Variants in ERCC8 observed in about 807,000 individuals in gnomAD.
ERCC8 encodes the protein DNA excision repair protein ERCC-8.
Under a neutral mutation model 54.9 loss-of-function variants are expected in ERCC8, and 52 were observed. That is an observed-to-expected ratio of 0.95 (90% CI 0.76 to 1.19). ERCC8 has a LOEUF of 1.19. ERCC8 is among the 50% of genes most tolerant of loss of function. The pLI is 0.00. For synonymous variants in ERCC8, 146 were observed against 157.2 expected, an observed-to-expected ratio of 0.93 and a Z score of 0.53; for missense variants, 514 against 466.1, an observed-to-expected ratio of 1.10 and a Z score of -0.95.
chr5:60,943,841 A>G (rs1018194842), intron 1 of ERCC8, among the ~76,000 whole-genome samples: 1 of 152,202 alleles, frequency 6.6e-6, no homozygotes, highest in Non-Finnish European at 1.5e-5. Flanking sequence ...ATTGTGATGA[A>G]AGGCTGATGA....
intron 8 of ERCC8, among the ~76,000 whole-genome samples, chr5:60,898,982 ATATAT>A (rs1172716189): frequency 1.5e-4 from 21 of 143,708 alleles, no homozygotes; most frequent in Admixed American, 1.4e-3. Flanking sequence ...AATATATGAA[ATATAT>A]TAGAATGAAC....
intron 1 of ERCC8, among the ~76,000 whole-genome samples, chr5:60,930,950 T>C (rs1172665352): frequency 1.3e-5 from 2 of 151,660 alleles, no homozygotes; most frequent in Non-Finnish European, 2.9e-5. Flanking sequence ...CTACTAAAAA[T>C]ACAAAAAAAT....
intron 11 of ERCC8, among the ~76,000 whole-genome samples, chr5:60,880,512 T>C (rs1748178310): frequency 1.3e-5 from 2 of 152,172 alleles, no homozygotes; most frequent in Admixed American, 6.5e-5. Flanking sequence ...CAATCAGATG[T>C]AGATTTGGTC....
chr5:60,891,114 C>G, intron 9 of ERCC8, 28 bp from the exon 10 acceptor site: 1 of 1,436,766 alleles, frequency 7.0e-7, no homozygotes, highest in Non-Finnish European at 9.7e-7. Context: ...TAAGGTTACT[C>G]ATCTCTGAAA....
rs1179711867 is a variant in ERCC8 at position 60,899,888 on chromosome 5, A to T, written c.618-161T>A. Among the ~76,000 whole-genome samples the T allele has an allele frequency of 5.9e-5, 9 of 152,032 alleles. No homozygotes were observed. In the East Asian group the frequency reaches 1.7e-3, roughly 29 times the overall value. ...ACTTTTGCCTTTTCAGCAAATATTC[A>T]ATAGTCAACAGTAGCTCAAATAAGT... On this transcript the variant is annotated intron_variant, in intron 7 of 11. Transcript: ENST00000676185.
intron 7 of ERCC8, chr5:60,900,590 CT>C (rs1316979742): frequency 6.6e-6 from 1 of 151,986 alleles, no homozygotes; most frequent in African/African-American, 2.4e-5. Context: ...AACCTCGATT[CT>C]TTTCACAGAT....
chr5:60,933,216 C>CTTTTTTTTTTTTTTT (rs143139297), intron 1 of ERCC8, among the ~76,000 whole-genome samples: 1 of 89,484 alleles, frequency 1.1e-5, no homozygotes, highest in Non-Finnish European at 2.0e-5. Flanking sequence ...CCTTTTTTTT[C>CTTTTTTTTTTTTTTT]TTTTTTTTTT....
At chr5:60,877,396 T>C (rs1748047184) in intron 11 of ERCC8, among the ~76,000 whole-genome samples, 1 of 151,958 alleles carries the variant, frequency 6.6e-6, no homozygotes, top group African/African-American at 2.4e-5. Context: ...CTTTAGTTTT[T>C]TCCAATTCTG....
Position 60,908,583 on chromosome 5 carries a change from A to ATAT in ERCC8, c.400-3711_400-3710insATA, listed in dbSNP as rs527918086. Among the ~76,000 whole-genome samples, 333 of 141,868 alleles carry ATAT rather than the reference A, an allele frequency of 2.3e-3. 6 individuals are homozygous for ATAT. The South Asian group carries it at 0.03, about 13-fold the overall frequency. The allele number at this position is 141,868 out of a possible 152,430, so 93.1% of individuals were successfully genotyped here. ...TAAATACATATATATATATATATATATTTTTTTTTTAAATAATGGCTTTGT... is the reference window on the plus strand; with the variant it reads ...TAAATACATATATATATATATATATATATTTTTTTTTTTAAATAATGGCTTTGT... On this transcript the variant is annotated intron_variant, in intron 4 of 11. Coordinates refer to ENST00000676185, the MANE Select transcript of ERCC8 (RefSeq NM_000082.4).
intron 11 of ERCC8, among the ~76,000 whole-genome samples, chr5:60,876,062 T>C (rs1747995888): frequency 6.6e-6 from 1 of 151,754 alleles, no homozygotes; most frequent in South Asian, 2.1e-4. Flanking sequence ...CGGTGTGTGA[T>C]GTTCCCCTTC....
chr5:60,867,970 C>A lies in ERCC8; in HGVS notation c.*6645G>T, dbSNP rs1404220508. Among the ~76,000 whole-genome samples the A allele has an allele frequency of 1.3e-5, 2 of 152,210 alleles. No homozygotes were observed. Among genetic ancestry groups the A allele is most frequent in the Non-Finnish European group, 2.9e-5 (2 of 68,032 alleles). The stretch of plus-strand genomic sequence containing the variant: ...TCAAGGCGGGCAGATCACCTGAGGT[C>A]AGGAGTTCGAGACCAGCCAGACCAA... On this transcript the variant is annotated 3_prime_UTR_variant, in exon 12 of 12. Coordinates refer to ENST00000676185, the MANE Select transcript of ERCC8 (RefSeq NM_000082.4).
rs1219962205 is a variant in ERCC8, at chr5:60,871,984, T to C, written c.*2631A>G. Among the ~76,000 whole-genome samples the C allele has an allele frequency of 6.6e-6, 1 of 152,088 alleles. No homozygotes were observed. Among genetic ancestry groups the C allele is most frequent in the African/African-American group, 2.4e-5 (1 of 41,424 alleles). ...TTGGTTAATTTTTGTATTTTTTATT[T>C]AGAGACGAGGTTTTGCCATGTTGCC... On this transcript the variant is annotated 3_prime_UTR_variant, in exon 12 of 12. Transcript: ENST00000676185.
At chr5:60,940,635 G>C (rs4647046) in intron 1 of ERCC8, among the ~76,000 whole-genome samples, 1 of 152,106 alleles carries the variant, frequency 6.6e-6, no homozygotes, top group Non-Finnish European at 1.5e-5. Context: ...ACCCTGAGTC[G>C]TATACAAAGG....
At chr5:60,892,117 A>C in intron 9 of ERCC8, 1 of 517,252 alleles carries the variant, frequency 1.9e-6, no homozygotes, top group Admixed American at 2.1e-5. Flanking sequence ...GCAGCAGTCC[A>C]CTGGGCACAC....
At chr5:60,877,455 T>C (rs1748048783) in intron 11 of ERCC8, among the ~76,000 whole-genome samples, 1 of 152,166 alleles carries the variant, frequency 6.6e-6, no homozygotes, top group South Asian at 2.1e-4. Context: ...AATCTATAAA[T>C]TACCTTGGGC....
rs1396505808 is a variant in ERCC8 at position 60,922,163 on chromosome 5, T to TA, written c.174-9dup. On this transcript the variant is annotated splice_polypyrimidine_tract_variant and intron_variant, in intron 2 of 11. Transcript: ENST00000676185. The stretch of plus-strand genomic sequence containing the variant: ...GAACCACCTGATAACATGCTGATAA[T>TA]AAAAAAGTTCACATTAATTTATCAT... 2.6e-6 allele frequency: 4 copies of TA among 1,559,136 alleles called. No individual in the cohort carries two copies. The highest frequency in any genetic ancestry group is 2.6e-6 in the Non-Finnish European group (3 of 1,132,364).
chr5:60,873,421 T>C lies in ERCC8; in HGVS notation c.*1194A>G, dbSNP rs1435566480. ...TGGGTGCAGTGGCTCAAGCTTATAA[T>C]TCCAGCACTTTGAGAGGCCGAGGCG... is the stretch of plus-strand genomic sequence containing the variant. On this transcript the variant is annotated 3_prime_UTR_variant, in exon 12 of 12. Transcript: ENST00000676185. 6.6e-6 allele frequency among the ~76,000 whole-genome samples: 1 copy of C among 152,196 alleles called. No homozygotes were observed. The highest frequency in any genetic ancestry group is 2.4e-5 in the African/African-American group (1 of 41,452).
chr5:60,887,645 G>T, intron 10 of ERCC8, 125 bp from the exon 11 acceptor site: 1 of 740,144 alleles, frequency 1.4e-6, no homozygotes, highest in Non-Finnish European at 2.4e-6. Context: ...ACTCCCTAAA[G>T]AAACTAGGCC....
At chr5:60,904,498 G>C (rs1481915134) in intron 5 of ERCC8, among the ~76,000 whole-genome samples, 2 of 151,212 alleles carry the variant, frequency 1.3e-5, no homozygotes, top group Non-Finnish European at 3.0e-5. Flanking sequence ...AAACTTTGGT[G>C]GTTTAAAAGG....
Sources: allele counts gnomAD v4.1 joint callset (sites outside exome capture counted in the v4.1 genomes callset), GRCh38; gene constraint gnomAD v4.1.1; transcripts MANE v1.5; gene names NCBI Gene and HGNC (gene_info 2026-07-23, HGNC 2026-07-21).